Variants in CEP63 observed in about 807,000 individuals in gnomAD.
The protein encoded by CEP63 is centrosomal protein of 63 kDa.
CEP63 carries 84 observed loss-of-function variants against 89.1 expected under a neutral mutation model. The observed-to-expected ratio is 0.94, with a 90% CI of 0.79 to 1.13. The LOEUF is 1.13. CEP63 is among the 50% of genes most tolerant of loss of function. CEP63 has a pLI of 0.00. For synonymous variants in CEP63, 267 were observed against 272.5 expected (o/e 0.98, Z 0.20); for missense variants, 838 against 813.3 (o/e 1.03, Z -0.37).
At chr3:134,710,706 CT>C in the CEP63 span, among the ~76,000 whole-genome samples, 10 of 142,164 alleles carry the variant, frequency 7.0e-5, no homozygotes, top group African/African-American at 2.0e-4. Context: ...TTATCCATTC[CT>C]TTTTTTTTCT....
chr3:134,715,581 G>A, the CEP63 span, among the ~76,000 whole-genome samples: 10,574 of 150,262 alleles, frequency 0.07, 690 homozygotes, highest in African/African-American at 0.18. Context: ...AGATAGGCCC[G>A]GGGTCTCACA....
the CEP63 span, among the ~76,000 whole-genome samples, chr3:134,720,395 T>C: frequency 6.6e-6 from 1 of 152,176 alleles, no homozygotes; most frequent in African/African-American, 2.4e-5. Context: ...GCAAATATTT[T>C]CTCCTATTAT....
chr3:134,691,264 G>T, the CEP63 span, among the ~76,000 whole-genome samples: 1 of 151,938 alleles, frequency 6.6e-6, no homozygotes, highest in Non-Finnish European at 1.5e-5. Flanking sequence ...AGGCTGAGCT[G>T]GGAGGATCTT....
At chr3:134,747,320 C>T in the CEP63 span, among the ~76,000 whole-genome samples, 1 of 152,220 alleles carries the variant, frequency 6.6e-6, no homozygotes, top group African/African-American at 2.4e-5. Flanking sequence ...GTTTTGGTTA[C>T]TGTAGCCTTG....
chr3:134,612,361 C>T, the CEP63 span, among the ~76,000 whole-genome samples: 2 of 152,080 alleles, frequency 1.3e-5, no homozygotes, highest in African/African-American at 4.8e-5. Flanking sequence ...CTGAGGAGAC[C>T]GTGGAAGGAA....
At chr3:134,604,983 G>A in the CEP63 span, among the ~76,000 whole-genome samples, 1 of 152,162 alleles carries the variant, frequency 6.6e-6, no homozygotes, top group Non-Finnish European at 1.5e-5. Flanking sequence ...TGCATAGGAG[G>A]TTGGGGTGGG....
rs74654462 is a variant in CEP63 at position 134,518,230 on chromosome 3, A to G, written c.222+10944A>G. 6.0e-3 allele frequency among the ~76,000 whole-genome samples: 907 copies of G among 152,330 alleles called. 22 individuals are homozygous for G. In the South Asian group the frequency reaches 0.074, roughly 12 times the overall value. ...TGGAAGACTTAACAAGTAGCTCTCA[A>G]TTAATACAACAAGCAGAGAAAACCT... On this transcript the variant is annotated intron_variant, in intron 3 of 14. Coordinates refer to ENST00000675561, the MANE Select transcript of CEP63 (RefSeq NM_001353108.3).
Position 134,550,223 on chromosome 3 carries a change from A to G in CEP63, c.1343A>G (p.Glu448Gly). 6.2e-7 allele frequency: 1 copy of G among 1,614,210 alleles called. No individual in the cohort carries two copies. The highest frequency in any genetic ancestry group is 8.5e-7 in the Non-Finnish European group (1 of 1,180,016). Residue 448 changes from glutamate (E) to glycine (G), a missense_variant, in exon 11 of 15, where the codon GAG becomes GGG. Glu to Gly is a moderately conservative substitution (Grantham distance 98). Transcript: ENST00000675561. ...GACATGGAAAAGCGACTCAGAGCAG[A>G]GATGCAAAAGGCAGAAGACAAAGCA... Reference protein sequence around the residue: ...SSDMEKRLRAEMQKAEDKAVE... With the variant: ...SSDMEKRLRAGMQKAEDKAVE...
At chr3:134,776,510 A>G in the CEP63 span, among the ~76,000 whole-genome samples, 1 of 152,192 alleles carries the variant, frequency 6.6e-6, no homozygotes, top group South Asian at 2.1e-4. Flanking sequence ...CATGGGGCTA[A>G]TGGCTGCTGC....
At chr3:134,710,449 G>A in the CEP63 span, among the ~76,000 whole-genome samples, 1 of 152,176 alleles carries the variant, frequency 6.6e-6, no homozygotes, top group Non-Finnish European at 1.5e-5. Flanking sequence ...GGTTCCGGTG[G>A]AATCTCTTGG....
At chr3:134,702,856 T>C in the CEP63 span, among the ~76,000 whole-genome samples, 2 of 152,210 alleles carry the variant, frequency 1.3e-5, no homozygotes, top group African/African-American at 4.8e-5. Context: ...GGAATGCTTT[T>C]ACACTGTTGG....
At chr3:134,622,866 C>T in the CEP63 span, among the ~76,000 whole-genome samples, 1 of 152,104 alleles carries the variant, frequency 6.6e-6, no homozygotes, top group Non-Finnish European at 1.5e-5. Context: ...ACTCCAGGAC[C>T]TTGTTTTTAG....
chr3:134,745,810 C>T, the CEP63 span, among the ~76,000 whole-genome samples: 1 of 150,382 alleles, frequency 6.6e-6, no homozygotes, highest in African/African-American at 2.5e-5. Context: ...TGTGAGTTTG[C>T]TCAGAATGAT....
the CEP63 span, among the ~76,000 whole-genome samples, chr3:134,747,303 C>A: frequency 3.9e-5 from 6 of 152,156 alleles, no homozygotes; most frequent in Non-Finnish European, 8.8e-5. Context: ...GGTACCAGTA[C>A]CATGCTGTTT....
intron 11 of CEP63, among the ~76,000 whole-genome samples, chr3:134,570,359 C>T (rs1487969847): frequency 6.6e-6 from 1 of 152,206 alleles, no homozygotes; most frequent in Non-Finnish European, 1.5e-5. Flanking sequence ...ACCCAAGTCA[C>T]CTGTTGAATG....
chr3:134,490,196 A>G (rs1342596054), intron 1 of CEP63, among the ~76,000 whole-genome samples: 1 of 152,174 alleles, frequency 6.6e-6, no homozygotes, highest in African/African-American at 2.4e-5. Flanking sequence ...AAAAACACAA[A>G]TATGCAAAAT....
the CEP63 span, among the ~76,000 whole-genome samples, chr3:134,748,426 G>GTT: frequency 1.4e-5 from 2 of 144,444 alleles, no homozygotes; most frequent in African/African-American, 5.0e-5. Flanking sequence ...TTGGAGTTTT[G>GTT]TTTTTTTTTT....
chr3:134,604,133 C>A, the CEP63 span: 2 of 1,607,934 alleles, frequency 1.2e-6, no homozygotes, highest in Non-Finnish European at 1.7e-6. Context: ...GAGCAGCGCC[C>A]GTCGCTGGTG....
the CEP63 span, among the ~76,000 whole-genome samples, chr3:134,743,741 A>G: frequency 4.6e-5 from 7 of 152,242 alleles, no homozygotes; most frequent in East Asian, 1.9e-4. Context: ...ATCTGCTTCA[A>G]TAGGGACCTA....
Sources: gnomAD v4.1 joint callset for allele counts (sites outside exome capture counted in the v4.1 genomes callset) on GRCh38, gnomAD v4.1.1 for gene constraint, MANE v1.5 for transcripts, NCBI Gene and HGNC (gene_info 2026-07-23, HGNC 2026-07-21) for gene names.